ZBTB44: variants seen among roughly 807,000 people sequenced by gnomAD.
ZBTB44 encodes the protein zinc finger and BTB domain-containing protein 44.
In ZBTB44, 15 loss-of-function variants were observed where a neutral mutation model predicts 54.0. The observed-to-expected ratio is 0.28, with a 90% CI of 0.19 to 0.43. The LOEUF (loss-of-function observed/expected upper bound fraction) is 0.43. ZBTB44 is among the 20% of genes least tolerant of loss of function. The probability of loss-of-function intolerance (pLI) is 1.00; values close to 1 mark genes in which losing one functional copy is unlikely to be tolerated. For missense variants in ZBTB44, 487 were observed against 707.1 expected (o/e 0.69, Z 3.53); for synonymous variants, 230 against 250.1 (o/e 0.92, Z 0.76).
intron 1 of ZBTB44, among the ~76,000 whole-genome samples, chr11:130,278,537 C>A (rs1020621236): frequency 6.6e-6 from 1 of 151,986 alleles, no homozygotes; most frequent in Non-Finnish European, 1.5e-5. Context: ...CTTTCTCTTC[C>A]TCCTCTCCTT....
At chr11:130,297,945 TA>T (rs1207532894) in intron 1 of ZBTB44, among the ~76,000 whole-genome samples, 1 of 151,880 alleles carries the variant, frequency 6.6e-6, no homozygotes, top group South Asian at 2.1e-4. Flanking sequence ...ACACTTTAAA[TA>T]AAAAAAGACA....
intron 2 of ZBTB44, among the ~76,000 whole-genome samples, chr11:130,248,878 T>G (rs767651904): frequency 9.9e-5 from 15 of 151,816 alleles, no homozygotes; most frequent in Admixed American, 5.9e-4. Flanking sequence ...CTGAGGTGGG[T>G]GGATCACTTG....
chr11:130,296,312 G>A (rs1941639507), intron 1 of ZBTB44: 9 of 1,517,684 alleles, frequency 5.9e-6, no homozygotes, highest in Admixed American at 4.0e-5. Context: ...CATTCCTTAA[G>A]AAGAACCGAA....
At chr11:130,308,309 C>A (rs1298181444) in intron 1 of ZBTB44, among the ~76,000 whole-genome samples, 1 of 152,184 alleles carries the variant, frequency 6.6e-6, no homozygotes, top group African/African-American at 2.4e-5. Context: ...GTTGTTACAG[C>A]ATCAGTCATG....
At chr11:130,280,841 T>C (rs1940450633) in intron 1 of ZBTB44, among the ~76,000 whole-genome samples, 1 of 152,244 alleles carries the variant, frequency 6.6e-6, no homozygotes, top group Non-Finnish European at 1.5e-5. Context: ...CTTTCATATC[T>C]CTATGCCTAT....
At chr11:130,271,300 A>G (rs1256053451) in intron 1 of ZBTB44, among the ~76,000 whole-genome samples, 1 of 152,218 alleles carries the variant, frequency 6.6e-6, no homozygotes, top group African/African-American at 2.4e-5. Context: ...TATGGCTAGC[A>G]CCCAGAATGG....
intron 6 of ZBTB44, 131 bp downstream of exon 6, chr11:130,234,025 G>T (rs1243780699): frequency 1.3e-6 from 2 of 1,520,648 alleles, no homozygotes; most frequent in African/African-American, 1.4e-5. Context: ...CTCTGATTTT[G>T]GGGGGTCATC....
chr11:130,256,319 G>A (rs1328552782), intron 2 of ZBTB44, among the ~76,000 whole-genome samples: 2 of 152,140 alleles, frequency 1.3e-5, no homozygotes, highest in African/African-American at 2.4e-5. Flanking sequence ...AATCCATCAC[G>A]TAAAACAGAA....
intron 1 of ZBTB44, among the ~76,000 whole-genome samples, chr11:130,276,435 TTTTTTTC>T (rs1305974341): frequency 1.3e-5 from 2 of 150,924 alleles, no homozygotes; most frequent in African/African-American, 4.9e-5. Flanking sequence ...ACGTTTCTTT[TTTTTTTC>T]TTTTTTTTTT....
rs1295380975 is a variant in ZBTB44 at position 130,314,666 on chromosome 11, A to G, written c.-348T>C. 6.7e-6 allele frequency: 1 copy of G among 149,688 alleles called. No individual in the cohort carries two copies. Among genetic ancestry groups the G allele is most frequent in the Non-Finnish European group, 1.5e-5 (1 of 67,602 alleles). 9.3% of individuals were successfully genotyped at this position (149,688 alleles called of 1,614,324 possible). Reference sequence around the variant, plus strand: ...GCGCTCGGAGGGGCCAGAGGGGAGGAGCGAGGGGGCCCGGGAGCCGCGCGC... The same window carrying G: ...GCGCTCGGAGGGGCCAGAGGGGAGGGGCGAGGGGGCCCGGGAGCCGCGCGC... On this transcript the variant is annotated 5_prime_UTR_variant, in exon 1 of 8. Coordinates refer to ENST00000357899, the MANE Select transcript of ZBTB44 (RefSeq NM_001301098.2).
At position 130,238,436 on chromosome 11, in the gene ZBTB44, G is replaced by A. The variant is rs1486256172; in HGVS notation, c.1267+8C>T. 1.9e-6 allele frequency: 3 copies of A among 1,602,404 alleles called. No homozygotes were observed. Among genetic ancestry groups the A allele is most frequent in the Non-Finnish European group, 2.6e-6 (3 of 1,174,462 alleles). ...TCACTTACGCACCAACAGGGAAGGT[G>A]ACATTACCTGAGTGGATGAGCATGT... On this transcript the variant is annotated splice_region_variant and intron_variant, in intron 4 of 7. Transcript: ENST00000357899.
intron 2 of ZBTB44, among the ~76,000 whole-genome samples, chr11:130,256,934 G>C (rs1453171633): frequency 6.6e-6 from 1 of 152,058 alleles, no homozygotes; most frequent in East Asian, 1.9e-4. Flanking sequence ...TATTCAAATA[G>C]GAAGAGAGGA....
chr11:130,270,987 G>A (rs1366401576), intron 1 of ZBTB44, among the ~76,000 whole-genome samples: 3 of 152,290 alleles, frequency 2.0e-5, no homozygotes, highest in South Asian at 2.1e-4. Context: ...GTACGGGGAC[G>A]AAGGGCAGAA....
At chr11:130,275,380 T>C (rs940103492) in intron 1 of ZBTB44, among the ~76,000 whole-genome samples, 2 of 152,206 alleles carry the variant, frequency 1.3e-5, no homozygotes, top group Non-Finnish European at 2.9e-5. Context: ...GGATTCACTA[T>C]GTTGCCCAGG....
At chr11:130,263,111 T>C (rs1938997911) in intron 1 of ZBTB44, among the ~76,000 whole-genome samples, 1 of 152,208 alleles carries the variant, frequency 6.6e-6, no homozygotes, top group African/African-American at 2.4e-5. Context: ...AAATGATCAA[T>C]TTGAGACTGT....
At chr11:130,234,868 A>C (rs1294655964) in intron 5 of ZBTB44, among the ~76,000 whole-genome samples, 1 of 152,218 alleles carries the variant, frequency 6.6e-6, no homozygotes, top group African/African-American at 2.4e-5. Context: ...GTTATGTGAT[A>C]ATCCTCAAAA....
intron 1 of ZBTB44, among the ~76,000 whole-genome samples, chr11:130,286,888 A>G (rs1940998919): frequency 6.6e-6 from 1 of 152,188 alleles, no homozygotes; most frequent in Non-Finnish European, 1.5e-5. Flanking sequence ...CCCAGCACAG[A>G]CTGTTTATAT....
In ZBTB44 at chr11:130,237,003, C is replaced by T. The variant is rs1360858389; in HGVS notation, c.1358G>A (p.Arg453His). The T allele has an allele frequency of 2.5e-6, 4 of 1,612,198 alleles. No individual in the cohort carries two copies. The highest frequency in any genetic ancestry group is 4.5e-5 in the East Asian group (2 of 44,698). ...KMHRLKHEGK[R>H]CFRCQICSAT... ...ACTACATATCTGGCACCGGAAACAG[C>T]GTTTACCTTCATGCTTTAGGCGATG... The change falls in exon 5 of 8, where the codon CGC (arginine) becomes CAC (histidine). Residue 453 changes from arginine (R) to histidine (H), a missense_variant. Around this residue, in one of 3 missense-constraint regions of ZBTB44, gnomAD observed 120 missense variants for 240.3 expected, o/e 0.50. Coordinates refer to ENST00000357899, the MANE Select transcript of ZBTB44 (RefSeq NM_001301098.2).
Position 130,230,913 on chromosome 11 carries a change from A to T in ZBTB44, c.*851T>A, listed in dbSNP as rs1953853585. On this transcript the variant is annotated 3_prime_UTR_variant, in exon 8 of 8. Coordinates refer to ENST00000357899, the MANE Select transcript of ZBTB44 (RefSeq NM_001301098.2). ...AGTACATCACACCTATTTGGTAGTTAAAAAACTGAAAATAAAAGCTTGTAC... is the reference window on the plus strand; with the variant it reads ...AGTACATCACACCTATTTGGTAGTTTAAAAACTGAAAATAAAAGCTTGTAC... 1 of 152,130 alleles carries T rather than the reference A, an allele frequency of 6.6e-6. No individual in the cohort carries two copies. Among genetic ancestry groups the T allele is most frequent in the South Asian group, 2.1e-4 (1 of 4,836 alleles). 9.4% of individuals were successfully genotyped at this position (152,130 alleles called of 1,614,324 possible). A position where few individuals can be genotyped will look rare whatever the true frequency, so the allele number is the denominator to read the frequency against.
Sources: allele counts gnomAD v4.1 joint callset (sites outside exome capture counted in the v4.1 genomes callset), GRCh38; gene constraint gnomAD v4.1.1; regional missense constraint gnomAD v4.1.1; transcripts MANE v1.5; gene names NCBI Gene and HGNC (gene_info 2026-07-23, HGNC 2026-07-21).